NEMF: variants seen among roughly 807,000 people sequenced by gnomAD.
The protein encoded by NEMF is nuclear export mediator factor, also known as ribosome quality control complex subunit NEMF.
In NEMF, 89 loss-of-function variants were observed where a neutral mutation model predicts 162.2. The observed-to-expected ratio is 0.55, with a 90% CI of 0.46 to 0.65. NEMF has a LOEUF of 0.65. Ranked by LOEUF, NEMF falls within the 30% of genes least tolerant of loss-of-function variation. The pLI is 0.00. For synonymous variants in NEMF, 421 were observed against 404.5 expected, an observed-to-expected ratio of 1.04 and a Z score of -0.49; for missense variants, 1,133 against 1,261.9, an observed-to-expected ratio of 0.90 and a Z score of 1.55.
rs951314679 is a variant in NEMF, at chr14:49,823,781, C to T, written c.1577+2086G>A. On this transcript the variant is annotated intron_variant, in intron 16 of 32. Transcript: ENST00000298310. ...AATGGATTAAAACATCACCACCAACCCCAATTGTAAAATTTTGAAAAATTT... is the reference window on the plus strand; with the variant it reads ...AATGGATTAAAACATCACCACCAACTCCAATTGTAAAATTTTGAAAAATTT... Among the ~76,000 whole-genome samples, 3 of 152,192 alleles carry T rather than the reference C, an allele frequency of 2.0e-5. No individual in the cohort carries two copies. In the East Asian group the frequency reaches 5.8e-4, roughly 29 times the overall value.
chr14:49,807,426 G>GT (rs1402354842), intron 18 of NEMF, among the ~76,000 whole-genome samples: 2 of 152,094 alleles, frequency 1.3e-5, no homozygotes. Flanking sequence ...GGTCAATTAT[G>GT]TTTAACATTT....
chr14:49,793,210 AC>A (rs912648910), intron 26 of NEMF, among the ~76,000 whole-genome samples: 35 of 152,308 alleles, frequency 2.3e-4, no homozygotes, highest in African/African-American at 7.2e-4. Context: ...GCAAAAAAAA[AC>A]ATGGGGAAAA....
At chr14:49,841,576 A>G (rs923848323) in intron 4 of NEMF, among the ~76,000 whole-genome samples, 3 of 137,790 alleles carry the variant, frequency 2.2e-5, no homozygotes, top group African/African-American at 8.6e-5. Context: ...CTCTCGTCTT[A>G]AGAAAAAAAA....
chr14:49,785,329 G>A lies in NEMF; in HGVS notation c.2929-9C>T, dbSNP rs1156883945. The stretch of plus-strand genomic sequence containing the variant: ...GAATCAAATAGGTTTTCCTAAAAAG[G>A]GAAAATAACAGTTACAAAGGCAATT... On this transcript the variant is annotated splice_polypyrimidine_tract_variant and intron_variant, in intron 29 of 32. Transcript: ENST00000298310. 2 of 1,604,256 alleles carry A rather than the reference G, an allele frequency of 1.2e-6. No individual in the cohort carries two copies. The highest frequency in any genetic ancestry group is 2.2e-5 in the South Asian group (2 of 90,814).
chr14:49,795,751 CAAATTAACTGTGAACCAT>C (rs756838967), intron 26 of NEMF, 22 bp downstream of exon 26: 44 of 1,556,666 alleles, frequency 2.8e-5, no homozygotes, highest in Admixed American at 4.3e-5. Flanking sequence ...AGGAACCTCA[CAAATTAACTGTGAACCAT>C]ATAGATCATC....
intron 11 of NEMF, among the ~76,000 whole-genome samples, chr14:49,830,835 T>C (rs1169659690): frequency 6.6e-6 from 1 of 152,274 alleles, no homozygotes; most frequent in Non-Finnish European, 1.5e-5. Context: ...GGGAAAATAC[T>C]GTATATCACT....
chr14:49,802,446 A>G lies in NEMF; in HGVS notation c.2095+7T>C, dbSNP rs907875918. 6.2e-7 allele frequency: 1 copy of G among 1,610,760 alleles called. No individual in the cohort carries two copies. The highest frequency in any genetic ancestry group is 1.3e-5 in the African/African-American group (1 of 74,760). Reference sequence around the variant, plus strand: ...CACAAGCTAATTTCTTAAAATCTATAAACTACCTAATTGTTCCATTTCTTC... The same window carrying G: ...CACAAGCTAATTTCTTAAAATCTATGAACTACCTAATTGTTCCATTTCTTC... On this transcript the variant is annotated splice_region_variant and intron_variant, in intron 22 of 32. Coordinates refer to ENST00000298310, the MANE Select transcript of NEMF (RefSeq NM_004713.6).
chr14:49,827,060 G>GA (rs1424924975), intron 15 of NEMF, among the ~76,000 whole-genome samples: 24 of 152,304 alleles, frequency 1.6e-4, no homozygotes, highest in African/African-American at 5.8e-4. Context: ...ATGAGAGGAG[G>GA]AATGCAGGTG....
At position 49,851,877 on chromosome 14, in the gene NEMF, T is replaced by G; in HGVS notation, c.60-2A>C. On this transcript the variant is annotated splice_acceptor_variant, in intron 1 of 32. Transcript: ENST00000298310. LOFTEE classifies it high-confidence loss of function. ...TTGTTTACTCTCATTCCTAGCAAGC[T>G]GCAAAGATAAAGGAAACATGTAACA... 6.4e-7 allele frequency: 1 copy of G among 1,561,104 alleles called. No homozygotes were observed. The highest frequency in any genetic ancestry group is 8.7e-7 in the Non-Finnish European group (1 of 1,144,146).
intron 16 of NEMF, among the ~76,000 whole-genome samples, chr14:49,816,261 C>G (rs964721424): frequency 2.0e-5 from 3 of 152,182 alleles, no homozygotes; most frequent in East Asian, 1.9e-4. Context: ...CAATTTCTTA[C>G]GCCTGTCTTA....
intron 25 of NEMF, chr14:49,796,249 T>A (rs746705731): frequency 6.1e-6 from 3 of 492,444 alleles, no homozygotes; most frequent in Non-Finnish European, 8.0e-6. Context: ...GGCCAGGCAC[T>A]GGGATTTGTA....
At chr14:49,803,210 G>GTGA (rs1891033915) in intron 20 of NEMF, 27 bp downstream of exon 20, 1 of 1,494,868 alleles carries the variant, frequency 6.7e-7, no homozygotes, top group Non-Finnish European at 9.3e-7. Context: ...GACAAGTCTA[G>GTGA]TGATATTTTT....
At chr14:49,835,172 C>T (rs1291108891) in intron 6 of NEMF, among the ~76,000 whole-genome samples, 2 of 151,132 alleles carry the variant, frequency 1.3e-5, no homozygotes, top group Admixed American at 1.3e-4. Flanking sequence ...TGCACTGCAG[C>T]CTGGGCAACA....
At chr14:49,798,911 A>T (rs1449825026) in intron 25 of NEMF, among the ~76,000 whole-genome samples, 1 of 151,870 alleles carries the variant, frequency 6.6e-6, no homozygotes, top group Non-Finnish European at 1.5e-5. Flanking sequence ...CATCTCAAAA[A>T]AAAAGAAAAT....
At chr14:49,831,265 A>G (rs1183886481) in intron 11 of NEMF, 34 bp downstream of exon 11, 3 of 1,202,656 alleles carry the variant, frequency 2.5e-6, no homozygotes, top group East Asian at 2.3e-5. Context: ...GCTAAAGACT[A>G]GCTGGTTTAA....
intron 18 of NEMF, among the ~76,000 whole-genome samples, chr14:49,813,473 TTCTA>T (rs1030685626): frequency 3.9e-5 from 6 of 152,196 alleles, no homozygotes; most frequent in African/African-American, 1.2e-4. Flanking sequence ...TGTCCAGTTA[TTCTA>T]TCTATGACTG....
At position 49,791,061 on chromosome 14, in the gene NEMF, C is replaced by T. The variant is rs145365191; in HGVS notation, c.2620-1488G>A. ...GGCAAGCATGAGCCTTCTGGCTGGG[C>T]GCAGTGGCTCACGCCTGTAATCCCA... On this transcript the variant is annotated intron_variant, in intron 26 of 32. Coordinates refer to ENST00000298310, the MANE Select transcript of NEMF (RefSeq NM_004713.6). Among the ~76,000 whole-genome samples, 75 of 149,786 alleles carry T rather than the reference C, an allele frequency of 5.0e-4. 2 individuals are homozygous for T. In the East Asian group the frequency reaches 9.5e-3, roughly 19 times the overall value.
intron 2 of NEMF, 27 bp downstream of exon 2, chr14:49,851,780 G>A (rs558639407): frequency 2.0e-6 from 3 of 1,476,466 alleles, no homozygotes; most frequent in South Asian, 1.2e-5. Flanking sequence ...TTGTCAAAGA[G>A]AAAATAAGCC....
chr14:49,800,742 GC>G (rs1180326506), intron 22 of NEMF, 46 bp from the exon 23 acceptor site: 1 of 1,533,556 alleles, frequency 6.5e-7, no homozygotes. Flanking sequence ...TACCAACCAA[GC>G]CAGGTGATTT....
Sources: gnomAD v4.1 joint callset for allele counts (sites outside exome capture counted in the v4.1 genomes callset) on GRCh38, gnomAD v4.1.1 for gene constraint, MANE v1.5 for transcripts, NCBI Gene and HGNC (gene_info 2026-07-23, HGNC 2026-07-21) for gene names.